LMAN1: variants seen among roughly 807,000 people sequenced by gnomAD.
LMAN1 encodes protein ERGIC-53.
A neutral mutation model predicts 67.8 loss-of-function variants in LMAN1; 32 were observed. The observed-to-expected ratio is 0.47, with a 90% CI of 0.36 to 0.63. The LOEUF (loss-of-function observed/expected upper bound fraction) is 0.63, where lower values mean the gene tolerates loss of function less well. Among genes scored for constraint, LMAN1 ranks in the 30% least tolerant of loss-of-function variants. The pLI is 0.00. For missense variants in LMAN1, 632 were observed against 628.2 expected (o/e 1.01, Z -0.06); for synonymous variants, 235 against 219.3 (o/e 1.07, Z -0.63).
At chr18:59,354,360 CAAATA>C (rs1182603577) in intron 4 of LMAN1, among the ~76,000 whole-genome samples, 154 bp downstream of exon 4, 3 of 152,032 alleles carry the variant, frequency 2.0e-5, no homozygotes, top group African/African-American at 7.2e-5. Context: ...AGAACAGAAC[CAAATA>C]AAATAAAACC....
At chr18:59,341,643 T>C (rs1486962546) in intron 8 of LMAN1, among the ~76,000 whole-genome samples, 1 of 152,026 alleles carries the variant, frequency 6.6e-6, no homozygotes, top group African/African-American at 2.4e-5. Context: ...TAAAAATTTC[T>C]TGAAATGAAT....
intron 10 of LMAN1, among the ~76,000 whole-genome samples, chr18:59,337,510 G>A (rs941416939): frequency 6.6e-6 from 1 of 152,156 alleles, no homozygotes; most frequent in African/African-American, 2.4e-5. Flanking sequence ...ATAAATTAGA[G>A]AAAGATGGGT....
At chr18:59,341,719 T>C (rs1454052227) in intron 8 of LMAN1, among the ~76,000 whole-genome samples, 2 of 152,030 alleles carry the variant, frequency 1.3e-5, no homozygotes, top group East Asian at 1.9e-4. Context: ...CAGCATTAAA[T>C]GCCACATCAG....
chr18:59,358,952 A>T, intron 1 of LMAN1, 79 bp downstream of exon 1: 1 of 1,421,296 alleles, frequency 7.0e-7, no homozygotes, highest in Non-Finnish European at 9.9e-7. Context: ...TCAGCACACC[A>T]GGGTAGCCGC....
intron 1 of LMAN1, among the ~76,000 whole-genome samples, chr18:59,358,685 G>A (rs1908718903): frequency 1.3e-5 from 2 of 152,290 alleles, no homozygotes; most frequent in South Asian, 4.2e-4. Context: ...ACGTGGCGTT[G>A]TGAAACATGA....
intron 8 of LMAN1, among the ~76,000 whole-genome samples, chr18:59,339,859 G>T (rs1315804502): frequency 6.6e-6 from 1 of 152,086 alleles, no homozygotes; most frequent in African/African-American, 2.4e-5. Flanking sequence ...ACCCTCTCTG[G>T]TCCCAGACCC....
At chr18:59,355,172 C>G in intron 3 of LMAN1, 141 bp downstream of exon 3, 1 of 715,782 alleles carries the variant, frequency 1.4e-6, no homozygotes, top group Non-Finnish European at 2.5e-6. Context: ...TATATAAAGA[C>G]TAATTATCAC....
At chr18:59,347,099 C>T (rs1398855373) in intron 7 of LMAN1, among the ~76,000 whole-genome samples, 3 of 151,744 alleles carry the variant, frequency 2.0e-5, no homozygotes, top group Non-Finnish European at 1.5e-5. Context: ...GGTGTGGTGG[C>T]GGAAGCCTGT....
chr18:59,349,442 G>GA (rs1908494194), intron 5 of LMAN1, among the ~76,000 whole-genome samples: 3 of 151,988 alleles, frequency 2.0e-5, no homozygotes, highest in Admixed American at 2.0e-4. Context: ...TTTAAAGAGA[G>GA]AAAAATCTGA....
In LMAN1 at chr18:59,330,999, A is replaced by G; in HGVS notation, c.*94T>C. 4 of 827,044 alleles carry G rather than the reference A, an allele frequency of 4.8e-6. No homozygotes were observed. The Admixed American group carries it at 8.9e-5, about 18-fold the overall frequency. The allele number at this position is 827,044 out of a possible 1,614,324, so 51.2% of individuals were successfully genotyped here. On this transcript the variant is annotated 3_prime_UTR_variant, in exon 13 of 13. Coordinates refer to ENST00000251047, the MANE Select transcript of LMAN1 (RefSeq NM_005570.4). ...AACAGTTATTTTATTAAGAAAATTA[A>G]TAATTTAGACTATGAAGCAATTTAA...
chr18:59,351,390 T>G (rs1001982507), intron 5 of LMAN1: 3 of 152,032 alleles, frequency 2.0e-5, no homozygotes, highest in Admixed American at 6.5e-5. Flanking sequence ...CTTTAACAAG[T>G]AGAAAGAAAA....
rs1474243241 is a variant in LMAN1 at position 59,349,206 on chromosome 18, T to A, written c.670A>T (p.Lys224Ter). 1 of 1,613,452 alleles carries A rather than the reference T, an allele frequency of 6.2e-7. No individual in the cohort carries two copies. The highest frequency in any genetic ancestry group is 8.5e-7 in the Non-Finnish European group (1 of 1,179,540). The change falls in exon 6 of 13, where the codon AAA (lysine) becomes TAA (stop). Residue 224 changes from lysine to a stop codon, truncating the protein, a stop_gained. Transcript: ENST00000251047. LOFTEE classifies it high-confidence loss of function. Reference protein sequence around the residue: ...VMINNGFTPDKNDYEFCAKVE... With the variant: ...VMINNGFTPD Reference sequence around the variant, plus strand: ...TTGGCACAAAATTCATAATCATTTTTATCTGGTGTAAAGCCATTATTGATC... The same window carrying A: ...TTGGCACAAAATTCATAATCATTTTAATCTGGTGTAAAGCCATTATTGATC...
intron 10 of LMAN1, chr18:59,333,649 C>T (rs994916353): frequency 8.3e-5 from 15 of 180,766 alleles, no homozygotes; most frequent in East Asian, 4.8e-4. Flanking sequence ...CAGACTTGTC[C>T]GCTTTGTAGC....
In LMAN1 at chr18:59,333,157, G is replaced by A. The variant is rs1174726297; in HGVS notation, c.1308C>T (p.Phe436=). ...AGGVYETTQH[F]IDIKEHLHIV... is the part of the protein sequence containing the mutation. ...TGTGCAGGTGCTCTTTGATGTCAAT[G>A]AAGTGCTGTGTTGTCTCATAGACGC... The change falls in exon 11 of 13, where the codon TTC becomes TTT. Residue 436 remains phenylalanine (F), a synonymous_variant. Coordinates refer to ENST00000251047, the MANE Select transcript of LMAN1 (RefSeq NM_005570.4). 6.2e-7 allele frequency: 1 copy of A among 1,613,552 alleles called. No homozygotes were observed. Among genetic ancestry groups the A allele is most frequent in the Non-Finnish European group, 8.5e-7 (1 of 1,179,580 alleles).
In LMAN1 at chr18:59,337,867, T is replaced by G. The variant is rs551634467; in HGVS notation, c.1220+690A>C. Among the ~76,000 whole-genome samples, 9 of 152,348 alleles carry G rather than the reference T, an allele frequency of 5.9e-5. No individual in the cohort carries two copies. In the South Asian group the frequency reaches 1.9e-3, roughly 32 times the overall value. On this transcript the variant is annotated intron_variant, in intron 10 of 12. Coordinates refer to ENST00000251047, the MANE Select transcript of LMAN1 (RefSeq NM_005570.4). Reference sequence around the variant, plus strand: ...ATTCTCCAGTCCTAAAGAACTCACCTTGACATTCTTGTTTGTCAAGGGTTC... The same window carrying G: ...ATTCTCCAGTCCTAAAGAACTCACCGTGACATTCTTGTTTGTCAAGGGTTC...
At chr18:59,336,489 C>T (rs763097984) in intron 10 of LMAN1, among the ~76,000 whole-genome samples, 2 of 152,146 alleles carry the variant, frequency 1.3e-5, no homozygotes, top group African/African-American at 2.4e-5. Context: ...TGAGTCTGAA[C>T]TGATCTAAAT....
chr18:59,337,271 T>C (rs1603394145), intron 10 of LMAN1, among the ~76,000 whole-genome samples: 1 of 151,844 alleles, frequency 6.6e-6, no homozygotes, highest in East Asian at 1.9e-4. Flanking sequence ...AACTGATTAA[T>C]GCTCTTGGAA....
chr18:59,344,578 T>C (rs1165352990), intron 8 of LMAN1, among the ~76,000 whole-genome samples: 1 of 151,818 alleles, frequency 6.6e-6, no homozygotes, highest in Non-Finnish European at 1.5e-5. Context: ...TACCATACAT[T>C]CTCACTTATA....
At chr18:59,333,282 T>A in intron 10 of LMAN1, 38 bp from the exon 11 acceptor site, 1 of 1,576,268 alleles carries the variant, frequency 6.3e-7, no homozygotes, top group Non-Finnish European at 8.7e-7. Flanking sequence ...AAAATCACTA[T>A]AAAGTTTTTT....
Sources: allele counts gnomAD v4.1 joint callset (sites outside exome capture counted in the v4.1 genomes callset), GRCh38; gene constraint gnomAD v4.1.1; transcripts MANE v1.5; gene names NCBI Gene and HGNC (gene_info 2026-07-23, HGNC 2026-07-21).